Variants in WWOX observed in about 807,000 individuals in gnomAD.
The protein encoded by WWOX is WW domain containing oxidoreductase.
Under a neutral mutation model 46.2 loss-of-function variants are expected in WWOX, and 69 were observed. That is an observed-to-expected ratio of 1.49 (90% confidence interval 1.23 to 1.82). The LOEUF is 1.82. Ranked by LOEUF, WWOX falls within the 40% of genes most tolerant of loss-of-function variation. The pLI, the probability that WWOX is intolerant of heterozygous loss-of-function variation, is 0.00. For synonymous variants in WWOX, 359 were observed against 202.6 expected (o/e 1.77, Z -6.56); for missense variants, 919 against 542.6 (o/e 1.69, Z -6.89).
chr16:78,665,127 G>A (rs1321477981), intron 8 of WWOX, among the ~76,000 whole-genome samples: 1 of 152,170 alleles, frequency 6.6e-6, no homozygotes, highest in African/African-American at 2.4e-5. Context: ...GCAGAGCCCG[G>A]GGCTTTGTGG....
intron 8 of WWOX, among the ~76,000 whole-genome samples, chr16:78,774,410 A>G (rs2050137234): frequency 6.6e-6 from 1 of 152,090 alleles, no homozygotes; most frequent in Non-Finnish European, 1.5e-5. Flanking sequence ...AAAAAAAAAG[A>G]AAGAGTTCTG....
chr16:79,080,116 A>G (rs2048732491), intron 8 of WWOX, among the ~76,000 whole-genome samples: 1 of 152,204 alleles, frequency 6.6e-6, no homozygotes, highest in African/African-American at 2.4e-5. Context: ...CTTTCAATCT[A>G]ACTTAGGAAA....
In WWOX at chr16:78,806,875, G is replaced by A. The variant is rs75021999; in HGVS notation, c.1056+374123G>A. Among the ~76,000 whole-genome samples the A allele has an allele frequency of 2.2e-3, 337 of 152,282 alleles. 2 individuals carry two copies. The highest frequency in any genetic ancestry group is 7.7e-3 in the African/African-American group (321 of 41,556). Reference sequence around the variant, plus strand: ...AGTCTGCCACATAAGCAAACAGTTCGTGTCCTGCAGTGGGATATTGGGAAA... The same window carrying A: ...AGTCTGCCACATAAGCAAACAGTTCATGTCCTGCAGTGGGATATTGGGAAA... On this transcript the variant is annotated intron_variant, in intron 8 of 8. Coordinates refer to ENST00000566780, the MANE Select transcript of WWOX (RefSeq NM_016373.4).
intron 8 of WWOX, among the ~76,000 whole-genome samples, chr16:79,025,001 T>C (rs1333378539): frequency 6.6e-6 from 1 of 152,170 alleles, no homozygotes; most frequent in Non-Finnish European, 1.5e-5. Flanking sequence ...CCTGAGCTGA[T>C]GTAAATGAAG....
At chr16:78,213,806 A>G (rs752714446) in intron 5 of WWOX, among the ~76,000 whole-genome samples, 8 of 152,166 alleles carry the variant, frequency 5.3e-5, no homozygotes, top group Non-Finnish European at 8.8e-5. Context: ...TTCATGAAGA[A>G]GGAATAATAT....
At chr16:78,660,202 A>G (rs1439340197) in intron 8 of WWOX, among the ~76,000 whole-genome samples, 1 of 152,140 alleles carries the variant, frequency 6.6e-6, no homozygotes, top group African/African-American at 2.4e-5. Flanking sequence ...GTTATATAAA[A>G]TATTGTCAGC....
chr16:78,862,427 C>T (rs1198825816), intron 8 of WWOX, among the ~76,000 whole-genome samples: 1 of 151,576 alleles, frequency 6.6e-6, no homozygotes, highest in Non-Finnish European at 1.5e-5. Context: ...TGTACTAATA[C>T]AGTGTATAAT....
intron 8 of WWOX, among the ~76,000 whole-genome samples, chr16:79,125,643 G>A (rs7191918): frequency 0.38 from 58,074 of 151,842 alleles, 11,575 homozygotes; most frequent in African/African-American, 0.49. Flanking sequence ...CAAGTTCTGG[G>A]CCATAACTCT....
intron 8 of WWOX, among the ~76,000 whole-genome samples, chr16:79,210,254 A>T (rs997330744): frequency 1.3e-5 from 2 of 152,214 alleles, no homozygotes; most frequent in African/African-American, 4.8e-5. Context: ...AATGACAACA[A>T]CAAACCCAAG....
At chr16:78,630,064 G>A (rs1396478628) in intron 8 of WWOX, among the ~76,000 whole-genome samples, 1 of 152,056 alleles carries the variant, frequency 6.6e-6, no homozygotes, top group African/African-American at 2.4e-5. Context: ...CTTCACAAGG[G>A]CAGGGATTTT....
Position 78,874,884 on chromosome 16 carries a change from A to T in WWOX, c.1057-336724A>T, listed in dbSNP as rs2044204447. ...GCAAGTGGTAAATGATCCCTCAGAT[A>T]GGCCCAAGAGCTCCCCTTCAAGCAT... is the stretch of plus-strand genomic sequence containing the variant. On this transcript the variant is annotated intron_variant, in intron 8 of 8. Transcript: ENST00000566780. Among the ~76,000 whole-genome samples, 3 of 151,994 alleles carry T rather than the reference A, an allele frequency of 2.0e-5. No individual in the cohort carries two copies. The East Asian group carries it at 5.8e-4, about 29-fold the overall frequency.
At chr16:79,161,691 G>A (rs1456937048) in intron 8 of WWOX, among the ~76,000 whole-genome samples, 1 of 152,054 alleles carries the variant, frequency 6.6e-6, no homozygotes, top group Non-Finnish European at 1.5e-5. Context: ...GCTAGTTTTT[G>A]TATTTTTAGT....
chr16:78,773,228 A>T (rs1343130470), intron 8 of WWOX, among the ~76,000 whole-genome samples: 4 of 152,144 alleles, frequency 2.6e-5, no homozygotes, highest in African/African-American at 9.7e-5. Context: ...TTCTATTAAT[A>T]AGTAGAGCCC....
At chr16:78,358,672 A>G (rs1375211597) in intron 5 of WWOX, among the ~76,000 whole-genome samples, 8 of 151,268 alleles carry the variant, frequency 5.3e-5, no homozygotes, top group South Asian at 2.1e-4. Context: ...AATAAATAAT[A>G]TGTGTGTGTG....
At chr16:78,775,219 T>C (rs2050159876) in intron 8 of WWOX, among the ~76,000 whole-genome samples, 1 of 152,202 alleles carries the variant, frequency 6.6e-6, no homozygotes. Context: ...TGAAAGATTA[T>C]CAGGACTGTA....
chr16:78,246,445 A>AG (rs1398158277), intron 5 of WWOX, among the ~76,000 whole-genome samples: 1 of 152,180 alleles, frequency 6.6e-6, no homozygotes, highest in South Asian at 2.1e-4. Flanking sequence ...TTTAAAGAAG[A>AG]GGGGGGAAAC....
chr16:78,925,028 C>G (rs1255756231), intron 8 of WWOX, among the ~76,000 whole-genome samples: 2 of 152,184 alleles, frequency 1.3e-5, no homozygotes, highest in South Asian at 2.1e-4. Context: ...AACCCTGTCT[C>G]TACAAAAAAT....
intron 8 of WWOX, among the ~76,000 whole-genome samples, chr16:78,736,995 A>C (rs1177005880): frequency 6.6e-6 from 1 of 152,152 alleles, no homozygotes; most frequent in Admixed American, 6.6e-5. Flanking sequence ...TAAAGAGACT[A>C]GGTTTGCAGA....
At chr16:78,980,899 A>G (rs1399811592) in intron 8 of WWOX, among the ~76,000 whole-genome samples, 2 of 152,192 alleles carry the variant, frequency 1.3e-5, no homozygotes, top group African/African-American at 2.4e-5. Context: ...TGTAGAGGTG[A>G]TGGTATCTCC....
Sources: allele counts gnomAD v4.1 joint callset (sites outside exome capture counted in the v4.1 genomes callset), GRCh38; gene constraint gnomAD v4.1.1; transcripts MANE v1.5; gene names NCBI Gene and HGNC (gene_info 2026-07-23, HGNC 2026-07-21).